Variants in PCSK7 observed in about 807,000 individuals in gnomAD.
The protein encoded by PCSK7 is lymphoma proprotein convertase.
In PCSK7, 38 loss-of-function variants were observed where a neutral mutation model predicts 73.3. The ratio of observed to expected loss-of-function variants is 0.52; its 90% CI spans 0.40 to 0.68. The LOEUF is 0.68. PCSK7 is among the 30% of genes least tolerant of loss of function. The pLI is 0.00. For missense variants in PCSK7, 692 were observed against 991.5 expected (o/e 0.70, Z 4.06); for synonymous variants, 296 against 383.8 (o/e 0.77, Z 2.68).
rs61729980 is a variant in PCSK7, at chr11:117,224,740, G to A, written c.876C>T (p.Asp292=). The change falls in exon 7 of 17, where the codon GAC becomes GAT. Residue 292 remains aspartate (D), a synonymous_variant. Coordinates refer to ENST00000320934, the MANE Select transcript of PCSK7 (RefSeq NM_004716.4). The stretch of plus-strand genomic sequence containing the variant: ...GGGGGCCATCCACTGTCTTCCCATC[G>A]TCATCTGGTCCCCAGCTGTTGAGAA... ...DIYSCSWGPD[D]DGKTVDGPHQ... is the part of the protein sequence containing the mutation. 2,004 of 1,613,262 alleles carry A rather than the reference G, an allele frequency of 1.2e-3. 11 individuals are homozygous for A. Among genetic ancestry groups the A allele is most frequent in the African/African-American group, 4.8e-3 (361 of 75,002 alleles).
At chr11:117,224,849 T>G in intron 6 of PCSK7, 94 bp from the exon 7 acceptor site, 1 of 889,448 alleles carries the variant, frequency 1.1e-6, no homozygotes, top group South Asian at 1.3e-5. Context: ...CCCTTTGACC[T>G]GCAGCTCTTA....
rs1591808542 is a variant in PCSK7, at chr11:117,229,652, C to T, written c.193G>A (p.Gly65Arg). 6 of 1,613,942 alleles carry T rather than the reference C, an allele frequency of 3.7e-6. No homozygotes were observed. Among genetic ancestry groups the T allele is most frequent in the East Asian group, 2.2e-5 (1 of 44,870 alleles). ...AVHLESLEGDGEEETLEQQAD... is the reference protein window; with the variant it reads ...AVHLESLEGDREEETLEQQAD... Reference sequence around the variant, plus strand: ...TGCTGCTCCAGAGTCTCTTCCTCCCCGTCACCTTCCAGGCTTTCCAGGTGC... The same window carrying T: ...TGCTGCTCCAGAGTCTCTTCCTCCCTGTCACCTTCCAGGCTTTCCAGGTGC... The change falls in exon 3 of 17, where the codon GGG becomes AGG. Residue 65 changes from glycine to arginine, a missense_variant. By Grantham distance (125) the Gly-to-Arg change is moderately radical. Coordinates refer to ENST00000320934, the MANE Select transcript of PCSK7 (RefSeq NM_004716.4).
At chr11:117,214,869 C>T (rs2031893928) in intron 12 of PCSK7, 1 of 152,262 alleles carries the variant, frequency 6.6e-6, no homozygotes, top group Non-Finnish European at 1.5e-5. Context: ...CCAGTATCCT[C>T]AAGACTGCAA....
intron 12 of PCSK7, chr11:117,211,649 A>G (rs1259032008): frequency 6.6e-6 from 1 of 152,260 alleles, no homozygotes; most frequent in Non-Finnish European, 1.5e-5. Flanking sequence ...GGCAAAAGTC[A>G]AACAATGGCT....
At position 117,229,518 on chromosome 11, in the gene PCSK7, C is replaced by T. The variant is rs2032558849; in HGVS notation, c.327G>A (p.Glu109=). 21 of 1,613,020 alleles carry T rather than the reference C, an allele frequency of 1.3e-5. No individual in the cohort carries two copies. The highest frequency in any genetic ancestry group is 1.8e-5 in the Non-Finnish European group (21 of 1,180,026). The change falls in exon 3 of 17, where the codon GAG becomes GAA. Residue 109 remains glutamate (E), a synonymous_variant. Coordinates refer to ENST00000320934, the MANE Select transcript of PCSK7 (RefSeq NM_004716.4). ...VQPAGHRPAL[E]VEAIRQQVEA... is the part of the protein sequence containing the mutation. Reference sequence around the variant, plus strand: ...CCACCTGCTGCCGGATGGCCTCCACCTCCAGGGCCGGCCTGTGCCCAGCAG... The same window carrying T: ...CCACCTGCTGCCGGATGGCCTCCACTTCCAGGGCCGGCCTGTGCCCAGCAG...
At chr11:117,219,553 G>C (rs368855048) in intron 10 of PCSK7, 38 bp downstream of exon 10, 87 of 1,599,610 alleles carry the variant, frequency 5.4e-5, no homozygotes, top group Non-Finnish European at 6.1e-5. Flanking sequence ...TCTGGAGCAG[G>C]CTGGGCCAGG....
At chr11:117,213,294 C>T (rs189983403) in intron 12 of PCSK7, 15 of 152,198 alleles carry the variant, frequency 9.9e-5, no homozygotes, top group African/African-American at 3.6e-4. Context: ...CAGAAAACAA[C>T]AAAAAGATTA....
chr11:117,227,763 C>T (rs2032487939), intron 4 of PCSK7, among the ~76,000 whole-genome samples: 1 of 152,182 alleles, frequency 6.6e-6, no homozygotes, highest in Non-Finnish European at 1.5e-5. Flanking sequence ...TTTCTATCTG[C>T]AAACCACACT....
rs1402411506 is a variant in PCSK7 at position 117,204,481 on chromosome 11, G to C, written c.*1516C>G. On this transcript the variant is annotated 3_prime_UTR_variant, in exon 17 of 17. Transcript: ENST00000320934. The stretch of plus-strand genomic sequence containing the variant: ...AGCCCTGGCCAAGCTTTGAGGCTCT[G>C]TCACTGAGCAATGGTAACTGCACCT... The C allele has an allele frequency of 6.8e-7, 1 of 1,461,252 alleles. No homozygotes were observed. The highest frequency in any genetic ancestry group is 1.9e-5 in the Admixed American group (1 of 52,442). 90.5% of individuals were successfully genotyped at this position (1,461,252 alleles called of 1,614,324 possible).
Position 117,218,796 on chromosome 11 carries a change from G to A in PCSK7, c.1432-228C>T, listed in dbSNP as rs1198124202. ...AAACAGCTGTGTCCAGGGTGGAGGA[G>A]GGGAACCAGAGCATCCTGAGTCCCA... On this transcript the variant is annotated intron_variant, in intron 11 of 16. Transcript: ENST00000320934. This position sits in a 1 kb window ranked among gnomAD's most constrained non-coding sequence, Gnocchi z 4.0. 1.8e-6 allele frequency: 1 copy of A among 565,806 alleles called. No homozygotes were observed. The highest frequency in any genetic ancestry group is 2.9e-5 in the East Asian group (1 of 34,848). 35.0% of individuals were successfully genotyped at this position (565,806 alleles called of 1,614,324 possible).
chr11:117,214,355 A>C (rs1007163848), intron 12 of PCSK7: 1 of 151,768 alleles, frequency 6.6e-6, no homozygotes, highest in African/African-American at 2.4e-5. Flanking sequence ...TCATTTGTGG[A>C]GAGGTGGTAG....
chr11:117,231,129 A>G (rs2134339427), intron 1 of PCSK7: 1 of 151,374 alleles, frequency 6.6e-6, no homozygotes, highest in African/African-American at 2.4e-5. Flanking sequence ...GTGTGTACCT[A>G]TGGTGGCTGG....
intron 12 of PCSK7, chr11:117,217,054 A>C (rs984992137): frequency 4.6e-5 from 7 of 152,082 alleles, no homozygotes; most frequent in African/African-American, 1.7e-4. Context: ...CAAACTCCCT[A>C]AATCTTTCCC....
chr11:117,205,079 G>A lies in PCSK7; in HGVS notation c.*918C>T, dbSNP rs761489208. ...AGATTGCGAGTGGCAGAATTGTTTGGAAGGTTTTTATTTTGGAAAAGCTGT... is the reference window on the plus strand; with the variant it reads ...AGATTGCGAGTGGCAGAATTGTTTGAAAGGTTTTTATTTTGGAAAAGCTGT... On this transcript the variant is annotated 3_prime_UTR_variant, in exon 17 of 17. Coordinates refer to ENST00000320934, the MANE Select transcript of PCSK7 (RefSeq NM_004716.4). The A allele has an allele frequency of 1.3e-5, 3 of 222,840 alleles. No individual in the cohort carries two copies. The highest frequency in any genetic ancestry group is 2.7e-5 in the Non-Finnish European group (3 of 111,286). 13.8% of individuals were successfully genotyped at this position (222,840 alleles called of 1,614,324 possible).
At position 117,223,215 on chromosome 11, in the gene PCSK7, C is replaced by T. The variant is rs953976785; in HGVS notation, c.1148G>A (p.Arg383Gln). Residue 383 changes from arginine to glutamine, a missense_variant, in exon 9 of 17, where the codon CGG becomes CAG. Physicochemically the swap from Arg to Gln is conservative, Grantham distance 43 (BLOSUM62 1). Coordinates refer to ENST00000320934, the MANE Select transcript of PCSK7 (RefSeq NM_004716.4). ...GGCCCGGGAGGCACTCACAATGCTC[C>T]GAAGCATCTTGTCCCCACCACTGAA... ...VTFSGGDKML[R>Q]SIVTTDWDLQ... 3.7e-6 allele frequency: 6 copies of T among 1,607,998 alleles called. No homozygotes were observed. The highest frequency in any genetic ancestry group is 1.7e-5 in the Admixed American group (1 of 60,014).
In PCSK7 at chr11:117,219,082, G is replaced by T; in HGVS notation, c.1406C>A (p.Ala469Asp). The T allele has an allele frequency of 6.2e-7, 1 of 1,609,678 alleles. No homozygotes were observed. The change falls in exon 11 of 17, where the codon GCC (alanine) becomes GAC (aspartate). Residue 469 changes from alanine (A) to aspartate (D), a missense_variant. By Grantham distance (126) the Ala-to-Asp change is moderately radical. Transcript: ENST00000320934. ...CTTGGCTGCATTCACGAGCCTCCAG[G>T]CGTTGAGGAGGCCGAAACCGTGCTG... ...SHQHGFGLLN[A>D]WRLVNAAKIW...
chr11:117,212,137 A>T (rs1284220940), intron 12 of PCSK7: 1 of 150,486 alleles, frequency 6.6e-6, no homozygotes, highest in Non-Finnish European at 1.5e-5. Flanking sequence ...GCTTATAATG[A>T]AAAAAAAAAT....
chr11:117,221,182 C>T (rs1661352238), intron 9 of PCSK7: 2 of 152,250 alleles, frequency 1.3e-5, no homozygotes, highest in South Asian at 4.1e-4. Flanking sequence ...TGCCCTTTCT[C>T]CACTGTACTC....
chr11:117,217,422 GC>G (rs2032030104), intron 12 of PCSK7: 1 of 152,242 alleles, frequency 6.6e-6, no homozygotes, highest in African/African-American at 2.4e-5. Flanking sequence ...CTCTGACTTG[GC>G]TGACGCTTTA....
Sources: gnomAD v4.1 joint callset for allele counts (sites outside exome capture counted in the v4.1 genomes callset) on GRCh38, gnomAD v4.1.1 for gene constraint, Gnocchi (gnomAD v3.1) non-coding constraint, MANE v1.5 for transcripts, NCBI Gene and HGNC (gene_info 2026-07-23, HGNC 2026-07-21) for gene names.